FBXO38: variants seen among roughly 807,000 people sequenced by gnomAD.
The protein encoded by FBXO38 is F-box only protein 38.
A neutral mutation model predicts 131.9 loss-of-function variants in FBXO38; 53 were observed. The ratio of observed to expected loss-of-function variants is 0.40; its 90% CI spans 0.32 to 0.51. The LOEUF is 0.51. Among genes scored for constraint, FBXO38 ranks in the 20% least tolerant of loss-of-function variants. The pLI, the probability that FBXO38 is intolerant of heterozygous loss-of-function variation, is 0.53. For synonymous variants in FBXO38, 452 were observed against 505.6 expected, an observed-to-expected ratio of 0.89 and a Z score of 1.42; for missense variants, 1,076 against 1,475.6, an observed-to-expected ratio of 0.73 and a Z score of 4.44.
chr5:148,416,547 T>G (rs1181276167), intron 11 of FBXO38: 3 of 168,072 alleles, frequency 1.8e-5, no homozygotes, highest in African/African-American at 7.2e-5. Context: ...GTACAAAATG[T>G]TATTTTAAAA....
chr5:148,439,153 G>T (rs989509250), intron 18 of FBXO38, among the ~76,000 whole-genome samples: 1 of 152,102 alleles, frequency 6.6e-6, no homozygotes, highest in African/African-American at 2.4e-5. Flanking sequence ...CTTATGCCAC[G>T]CAGATGGCCG....
chr5:148,392,608 T>TGTGTGTGTGC (rs1758258282), intron 1 of FBXO38, among the ~76,000 whole-genome samples: 1 of 151,544 alleles, frequency 6.6e-6, no homozygotes, highest in Non-Finnish European at 1.5e-5. Flanking sequence ...TGTGTGTGTG[T>TGTGTGTGTGC]GTGTGTGTGT....
At chr5:148,418,699 T>TA (rs1043021173) in intron 12 of FBXO38, among the ~76,000 whole-genome samples, 3 of 152,342 alleles carry the variant, frequency 2.0e-5, no homozygotes, top group East Asian at 1.9e-4. Context: ...GTGGGAAACT[T>TA]ACAGCAGCTG....
chr5:148,425,784 GC>G, intron 14 of FBXO38, 83 bp downstream of exon 14: 1 of 1,184,974 alleles, frequency 8.4e-7, no homozygotes, highest in Non-Finnish European at 1.2e-6. Flanking sequence ...CAACTTGGGT[GC>G]AGTTAACATA....
chr5:148,390,148 A>G (rs1343599736), intron 1 of FBXO38: 5 of 152,128 alleles, frequency 3.3e-5, no homozygotes, highest in Admixed American at 6.5e-5. Flanking sequence ...CTGAGATGAA[A>G]TACTCAGCAT....
chr5:148,440,385 G>A (rs1473466489), intron 19 of FBXO38, 39 bp from the exon 20 acceptor site: 1 of 1,280,850 alleles, frequency 7.8e-7, no homozygotes, highest in Admixed American at 1.7e-5. Flanking sequence ...ATTATTTCCA[G>A]TTTTGTAATT....
At chr5:148,426,357 A>G (rs920776748) in intron 14 of FBXO38, among the ~76,000 whole-genome samples, 1 of 152,246 alleles carries the variant, frequency 6.6e-6, no homozygotes, top group African/African-American at 2.4e-5. Context: ...TTGAATGTTC[A>G]AAACACATTT....
At chr5:148,440,231 AAG>A (rs1367703761) in intron 19 of FBXO38, 191 bp from the exon 20 acceptor site, 2 of 532,142 alleles carry the variant, frequency 3.8e-6, no homozygotes, top group Non-Finnish European at 6.8e-6. Flanking sequence ...GAAGATAGTG[AAG>A]AAAGTAGTTT....
intron 12 of FBXO38, chr5:148,423,644 T>C (rs11168046): frequency 0.41 from 66,732 of 162,098 alleles, 16,340 homozygotes; most frequent in African/African-American, 0.69. Flanking sequence ...CCACTGTCCC[T>C]GTGAAATTTC....
intron 21 of FBXO38, 134 bp from the exon 22 acceptor site, chr5:148,441,835 A>G (rs915973733): frequency 1.9e-5 from 12 of 618,764 alleles, no homozygotes; most frequent in Non-Finnish European, 3.1e-5. Flanking sequence ...GTGGTGACCC[A>G]TTCCTTGACC....
In FBXO38 at chr5:148,411,628, TTTTG is replaced by T. The variant is rs1341877857; in HGVS notation, c.1093+871_1093+874del. The stretch of plus-strand genomic sequence containing the variant: ...TATATTACAATAATAGTTGTGGGTT[TTTTG>T]TTTGTTTACTTTTTTGTTTTTCACA... On this transcript the variant is annotated intron_variant, in intron 9 of 21. Transcript: ENST00000340253. 3.9e-5 allele frequency among the ~76,000 whole-genome samples: 6 copies of T among 152,238 alleles called. No homozygotes were observed. In the East Asian group the frequency reaches 7.7e-4, roughly 20 times the overall value.
At chr5:148,408,435 A>T (rs1752559605) in intron 7 of FBXO38, among the ~76,000 whole-genome samples, 1 of 152,250 alleles carries the variant, frequency 6.6e-6, no homozygotes, top group South Asian at 2.1e-4. Context: ...TTGTTCATAG[A>T]AGCACTGTTT....
intron 12 of FBXO38, among the ~76,000 whole-genome samples, chr5:148,420,127 G>T (rs7711680): frequency 0.42 from 58,866 of 141,418 alleles, 14,076 homozygotes; most frequent in African/African-American, 0.68. Flanking sequence ...TTTTTGTGGG[G>T]TTTTTTTTTT....
At chr5:148,389,778 C>T (rs2113484164) in intron 1 of FBXO38, 1 of 152,424 alleles carries the variant, frequency 6.6e-6, no homozygotes, top group South Asian at 2.1e-4. Flanking sequence ...CCTGTAATCC[C>T]AGCACTTTGG....
intron 1 of FBXO38, among the ~76,000 whole-genome samples, chr5:148,392,524 C>A (rs1758248585): frequency 6.6e-6 from 1 of 151,284 alleles, no homozygotes; most frequent in East Asian, 1.9e-4. Flanking sequence ...AAATAAAGTT[C>A]AGAGCTCAGG....
At chr5:148,432,009 C>T (rs185940186) in intron 15 of FBXO38, among the ~76,000 whole-genome samples, 33 of 152,282 alleles carry the variant, frequency 2.2e-4, no homozygotes, top group African/African-American at 6.7e-4. Flanking sequence ...TCTGAAGTTC[C>T]CATCTGACCC....
chr5:148,405,025 AAAAAC>A (rs1353138138), intron 6 of FBXO38, among the ~76,000 whole-genome samples: 1 of 151,972 alleles, frequency 6.6e-6, no homozygotes, highest in African/African-American at 2.4e-5. Flanking sequence ...GCAAAAAAAA[AAAAAC>A]AAAACTCAGA....
rs73264602 is a variant in FBXO38 at position 148,425,927 on chromosome 5, A to G, written c.1918+226A>G. On this transcript the variant is annotated intron_variant, in intron 14 of 21. Transcript: ENST00000340253. ...TCAGGGAAGAAGAGAAGTAAGGATTATAAGTCTACAGTGGAGGCTTCAGTT... is the reference window on the plus strand; with the variant it reads ...TCAGGGAAGAAGAGAAGTAAGGATTGTAAGTCTACAGTGGAGGCTTCAGTT... 8.9e-3 allele frequency among the ~76,000 whole-genome samples: 1,359 copies of G among 152,308 alleles called. 19 individuals carry two copies. The highest frequency in any genetic ancestry group is 0.031 in the African/African-American group (1,303 of 41,572).
At position 148,439,585 on chromosome 5, in the gene FBXO38, C is replaced by T. The variant is rs932334795; in HGVS notation, c.3025-62C>T. ...TCCATGGAAAGATTGTTCAAGCTCT[C>T]GGAGAGAGATTTCTAAGGCATTCTC... On this transcript the variant is annotated intron_variant, in intron 18 of 21. Coordinates refer to ENST00000340253, the MANE Select transcript of FBXO38 (RefSeq NM_205836.3). The T allele has an allele frequency of 2.1e-5, 31 of 1,505,956 alleles. 1 individual carries two copies. In the East Asian group the frequency reaches 2.1e-4, roughly 10 times the overall value. The allele number at this position is 1,505,956 out of a possible 1,614,324, so 93.3% of individuals were successfully genotyped here. A position where few individuals can be genotyped will look rare whatever the true frequency, so the allele number is the denominator to read the frequency against.
Sources: gnomAD v4.1 joint callset for allele counts (sites outside exome capture counted in the v4.1 genomes callset) on GRCh38, gnomAD v4.1.1 for gene constraint, MANE v1.5 for transcripts, NCBI Gene and HGNC (gene_info 2026-07-23, HGNC 2026-07-21) for gene names.